The following PPME1 variants were observed in gnomAD, a reference collection of about 807,000 sequenced individuals.
PPME1 encodes testicular secretory protein Li 39.
A neutral mutation model predicts 56.9 loss-of-function variants in PPME1; 17 were observed. That is an observed-to-expected ratio of 0.30 (90% CI 0.20 to 0.45). The LOEUF (loss-of-function observed/expected upper bound fraction) is 0.45, where lower values mean the gene tolerates loss of function less well. Among genes scored for constraint, PPME1 ranks in the 20% least tolerant of loss-of-function variants. PPME1 has a pLI of 1.00. For missense variants in PPME1, 357 were observed against 483.2 expected (o/e 0.74, Z 2.45); for synonymous variants, 122 against 156.2 (o/e 0.78, Z 1.63).
chr11:74,192,660 T>C (rs1857871741), intron 1 of PPME1, among the ~76,000 whole-genome samples: 1 of 151,910 alleles, frequency 6.6e-6, no homozygotes, highest in Non-Finnish European at 1.5e-5. Flanking sequence ...TCATGAATGG[T>C]TTATTGCCAT....
At chr11:74,208,476 G>A (rs74965389) in intron 3 of PPME1, among the ~76,000 whole-genome samples, 27 of 152,078 alleles carry the variant, frequency 1.8e-4, no homozygotes, top group Admixed American at 1.8e-3. Context: ...AAATCTAATA[G>A]GGAAGGTAAG....
intron 9 of PPME1, among the ~76,000 whole-genome samples, chr11:74,244,089 A>G (rs1207697316): frequency 1.3e-5 from 2 of 152,194 alleles, no homozygotes; most frequent in East Asian, 3.8e-4. Context: ...TTCAGTCCCT[A>G]TGCAGCATGT....
chr11:74,222,149 T>A (rs918132687), intron 3 of PPME1, among the ~76,000 whole-genome samples, 163 bp from the exon 4 acceptor site: 1 of 152,198 alleles, frequency 6.6e-6, no homozygotes, highest in Non-Finnish European at 1.5e-5. Flanking sequence ...GCAAAACTAG[T>A]AGAAAATCAT....
At chr11:74,201,165 C>T (rs550410187) in intron 1 of PPME1, among the ~76,000 whole-genome samples, 4 of 151,866 alleles carry the variant, frequency 2.6e-5, no homozygotes, top group South Asian at 2.1e-4. Context: ...TTAGTAGAGA[C>T]GGGGTTTCAC....
chr11:74,186,928 G>A (rs115955556), intron 1 of PPME1, among the ~76,000 whole-genome samples: 1,784 of 152,224 alleles, frequency 0.012, 33 homozygotes, highest in African/African-American at 0.041. Flanking sequence ...TTTTATGTAT[G>A]ATATGAGGAA....
intron 1 of PPME1, among the ~76,000 whole-genome samples, chr11:74,189,354 A>G (rs747187147): frequency 1.3e-5 from 2 of 152,158 alleles, no homozygotes; most frequent in Non-Finnish European, 2.9e-5. Context: ...CAGTGGCGTG[A>G]TCATGGCTCA....
At chr11:74,246,042 C>T in intron 9 of PPME1, 34 bp from the exon 10 acceptor site, 1 of 1,565,162 alleles carries the variant, frequency 6.4e-7, no homozygotes, top group Non-Finnish European at 8.7e-7. Context: ...AGGGGTTGCC[C>T]TCGGAGACTC....
At position 74,203,451 on chromosome 11, in the gene PPME1, A is replaced by G. The variant is rs368157356; in HGVS notation, c.102-277A>G. 2.6e-4 allele frequency among the ~76,000 whole-genome samples: 39 copies of G among 152,320 alleles called. 1 individual carries two copies. In the East Asian group the frequency reaches 6.9e-3, roughly 27 times the overall value. On this transcript the variant is annotated intron_variant, in intron 1 of 13. Coordinates refer to ENST00000328257, the MANE Select transcript of PPME1 (RefSeq NM_016147.3). ...CAGAATTTATTTGTGATTAAAATAT[A>G]CTAATGAATTTTGAAAAATCCTAAA... is the stretch of plus-strand genomic sequence containing the variant.
chr11:74,171,949 A>G (rs778663606), intron 1 of PPME1, among the ~76,000 whole-genome samples: 4 of 152,134 alleles, frequency 2.6e-5, no homozygotes, highest in African/African-American at 4.8e-5. Flanking sequence ...GGAGGAGTAG[A>G]TATTATCAGA....
intron 3 of PPME1, among the ~76,000 whole-genome samples, chr11:74,218,962 A>G (rs1010130081): frequency 6.6e-6 from 1 of 152,222 alleles, no homozygotes; most frequent in Non-Finnish European, 1.5e-5. Flanking sequence ...ACAGAATGGG[A>G]GAAAATATTT....
rs34841082 is a variant in PPME1 at position 74,204,436 on chromosome 11, T to C, written c.279T>C (p.Ala93=). 5.1e-3 allele frequency: 8,271 copies of C among 1,611,276 alleles called. 53 individuals carry two copies. Among genetic ancestry groups the C allele is most frequent in the Admixed American group, 0.02 (1,221 of 59,906 alleles). ...GAGGTCATTCTGCCCTTTCTTGGGC[T>C]GTGTTCACGGTAAGTAGGTTGTTGA... ...HGGGHSALSW[A]VFTAAIISRV... is the part of the protein sequence containing the mutation. Residue 93 remains alanine, a synonymous_variant, in exon 3 of 14, where the codon GCT becomes GCC. Coordinates refer to ENST00000328257, the MANE Select transcript of PPME1 (RefSeq NM_016147.3).
rs1487936090 is a variant in PPME1, at chr11:74,230,892, A to G, written c.554-20A>G. ...CAGAATAAGTTAAATATGTGGTTAC[A>G]GTTTTTGTTTAACATCCAGGTACAG... On this transcript the variant is annotated intron_variant, in intron 6 of 13. Coordinates refer to ENST00000328257, the MANE Select transcript of PPME1 (RefSeq NM_016147.3). The surrounding 1 kb of genome is among the most constrained non-coding windows in gnomAD (Gnocchi z 4.9). The G allele has an allele frequency of 6.4e-7, 1 of 1,550,792 alleles. No individual in the cohort carries two copies. Among genetic ancestry groups the G allele is most frequent in the Admixed American group, 1.8e-5 (1 of 55,232 alleles).
chr11:74,230,869 G>T lies in PPME1; in HGVS notation c.554-43G>T. The T allele has an allele frequency of 7.0e-7, 1 of 1,429,368 alleles. No individual in the cohort carries two copies. Among genetic ancestry groups the T allele is most frequent in the Non-Finnish European group, 9.7e-7 (1 of 1,032,322 alleles). 88.5% of individuals were successfully genotyped at this position (1,429,368 alleles called of 1,614,324 possible). ...TTGACTCAGTAAGTGTAAATGCTCA[G>T]AATAAGTTAAATATGTGGTTACAGT... is the stretch of plus-strand genomic sequence containing the variant. On this transcript the variant is annotated intron_variant, in intron 6 of 13. Transcript: ENST00000328257. The surrounding 1 kb of genome is among the most constrained non-coding windows in gnomAD (Gnocchi z 4.9).
intron 3 of PPME1, chr11:74,204,921 T>C (rs1858286828): frequency 6.5e-6 from 1 of 153,780 alleles, no homozygotes; most frequent in Admixed American, 6.5e-5. Flanking sequence ...CTTACATTCT[T>C]GCAGCAATGT....
At chr11:74,180,463 TA>T (rs1426799545) in intron 1 of PPME1, among the ~76,000 whole-genome samples, 1 of 152,218 alleles carries the variant, frequency 6.6e-6, no homozygotes, top group African/African-American at 2.4e-5. Flanking sequence ...TAAGATGGTA[TA>T]ACTAGGGCTA....
chr11:74,224,059 G>A (rs1858871164), intron 4 of PPME1, among the ~76,000 whole-genome samples: 1 of 151,766 alleles, frequency 6.6e-6, no homozygotes, highest in South Asian at 2.1e-4. Flanking sequence ...TTTTCTTCTA[G>A]GGTTTTTATG....
At position 74,253,862 on chromosome 11, in the gene PPME1, G is replaced by A. The variant is rs1859767716; in HGVS notation, c.*352G>A. On this transcript the variant is annotated 3_prime_UTR_variant, in exon 14 of 14. Coordinates refer to ENST00000328257, the MANE Select transcript of PPME1 (RefSeq NM_016147.3). ...TCAGGCGATACATCTGAGTTCAAAT[G>A]TCTTCCCAGGCTCAGGGACCTCCAT... The A allele has an allele frequency of 2.5e-6, 1 of 399,658 alleles. No individual in the cohort carries two copies. The highest frequency in any genetic ancestry group is 4.4e-5 in the East Asian group (1 of 22,874). 24.8% of individuals were successfully genotyped at this position (399,658 alleles called of 1,614,324 possible).
chr11:74,225,007 A>G (rs1858898484), intron 4 of PPME1, among the ~76,000 whole-genome samples, 198 bp from the exon 5 acceptor site: 1 of 152,144 alleles, frequency 6.6e-6, no homozygotes, highest in African/African-American at 2.4e-5. Context: ...ATGTGGATAA[A>G]TCTTTGCTAG....
At chr11:74,199,616 A>G (rs1385310808) in intron 1 of PPME1, among the ~76,000 whole-genome samples, 1 of 152,202 alleles carries the variant, frequency 6.6e-6, no homozygotes, top group Non-Finnish European at 1.5e-5. Flanking sequence ...CTGGGACTAC[A>G]GGGGTACACC....
Sources: gnomAD v4.1 joint callset for allele counts (sites outside exome capture counted in the v4.1 genomes callset) on GRCh38, gnomAD v4.1.1 for gene constraint, Gnocchi (gnomAD v3.1) non-coding constraint, MANE v1.5 for transcripts, NCBI Gene and HGNC (gene_info 2026-07-23, HGNC 2026-07-21) for gene names.